REC8: variants seen among roughly 807,000 people sequenced by gnomAD.
REC8 encodes the protein meiotic recombination protein REC8 homolog.
Under a neutral mutation model 78.3 loss-of-function variants are expected in REC8, and 42 were observed. The observed-to-expected ratio is 0.54, with a 90% CI of 0.42 to 0.69. The LOEUF is 0.69. REC8 is among the 30% of genes least tolerant of loss of function. The pLI, the probability that REC8 is intolerant of heterozygous loss-of-function variation, is 0.00. For missense variants in REC8, 581 were observed against 715.8 expected, an observed-to-expected ratio of 0.81 and a Z score of 2.15; for synonymous variants, 268 against 274.1, an observed-to-expected ratio of 0.98 and a Z score of 0.22.
At chr14:24,176,708 G>A (rs2038914446) in intron 6 of REC8, 114 bp from the exon 7 acceptor site, 1 of 776,590 alleles carries the variant, frequency 1.3e-6, no homozygotes, top group Non-Finnish European at 2.2e-6. Flanking sequence ...GATTAGCCTG[G>A]GTCTGATTAG....
At position 24,180,104 on chromosome 14, in the gene REC8, T is replaced by A; in HGVS notation, c.*9T>A. On this transcript the variant is annotated 3_prime_UTR_variant, in exon 19 of 19. Transcript: ENST00000611366. ...GGCCCAGATTCCACTGAGGTTAGAG[T>A]CCATTTACAAAGCTGCCAGGAAACC... 1 of 1,614,050 alleles carries A rather than the reference T, an allele frequency of 6.2e-7. No homozygotes were observed. Among genetic ancestry groups the A allele is most frequent in the South Asian group, 1.1e-5 (1 of 91,072 alleles).
rs377231807 is a variant in REC8, at chr14:24,179,698, G to C, written c.1423G>C (p.Glu475Gln). Residue 475 changes from glutamate (E) to glutamine (Q), a missense_variant, in exon 17 of 19, where the codon GAG becomes CAG. Transcript: ENST00000611366. ...EMPLVLPPEL[E>Q]LLSLEAVHRA... ...GCCTTTGGTGCTGCCCCCAGAGCTC[G>C]AGCTGCTCTCACTGGAAGCAGTGCA... The C allele has an allele frequency of 1.9e-6, 3 of 1,614,218 alleles. No homozygotes were observed. The highest frequency in any genetic ancestry group is 2.5e-6 in the Non-Finnish European group (3 of 1,180,038).
chr14:24,176,541 G>A (rs1436729743), intron 6 of REC8, among the ~76,000 whole-genome samples: 1 of 151,544 alleles, frequency 6.6e-6, no homozygotes, highest in Non-Finnish European at 1.5e-5. Context: ...ACAGGGTCTC[G>A]CTATGTTGCC....
At chr14:24,173,617 C>T (rs1369391631) in intron 5 of REC8, among the ~76,000 whole-genome samples, 1 of 152,182 alleles carries the variant, frequency 6.6e-6, no homozygotes, top group African/African-American at 2.4e-5. Context: ...GACGGTTTCC[C>T]CACTGGAGGC....
chr14:24,180,632 CTG>C, downstream of REC8: 1 of 1,612,756 alleles, frequency 6.2e-7, no homozygotes, highest in Non-Finnish European at 8.5e-7. Context: ...CCCAGGCTCT[CTG>C]AGCCCTGCCA....
In REC8 at chr14:24,179,634, GC is replaced by G. The variant is rs1411213219; in HGVS notation, c.1362del (p.Val455TrpfsTer75). The G allele has an allele frequency of 1.9e-6, 3 of 1,614,218 alleles. No homozygotes were observed. The South Asian group carries it at 3.3e-5, about 18-fold the overall frequency. ...TGGAGGCGCCAGAAGCTCCTGCATT[GC>G]CCGTGGTGCCTGAACTCCCTGAGGT... Reference protein sequence around the residue: ...EVEAPEAPALPVVPELPEVPM... With the variant: ...EVEAPEAPALXVVPELPEVPM... On this transcript the variant is annotated frameshift_variant, in exon 17 of 19. Coordinates refer to ENST00000611366, the MANE Select transcript of REC8 (RefSeq NM_001048205.2). LOFTEE classifies it high-confidence loss of function.
Position 24,178,661 on chromosome 14 carries a change from C to A in REC8, c.1052C>A (p.Thr351Asn), listed in dbSNP as rs766663838. 2 of 1,614,070 alleles carry A rather than the reference C, an allele frequency of 1.2e-6. No homozygotes were observed. The highest frequency in any genetic ancestry group is 1.7e-6 in the Non-Finnish European group (2 of 1,179,974). ...AGAGGCCCTGCGGAGTTGTTCAGAA[C>A]CCCAACTCTCTGTAAGAATGGTGGG... Reference protein sequence around the residue: ...TIRGPAELFRTPTLSGWLPPE... With the variant: ...TIRGPAELFRNPTLSGWLPPE... The change falls in exon 13 of 19, where the codon ACC (threonine) becomes AAC (asparagine). Residue 351 changes from threonine to asparagine, a missense_variant. By Grantham distance (65) the Thr-to-Asn change is moderately conservative. Transcript: ENST00000611366.
rs781179543 is a variant in REC8 at position 24,177,240 on chromosome 14, C to T, written c.706+18C>T. ...GTTAGAAAGTAGGTGTCTCCGGCAGCGTAGGGCCCGCCTGGAGCTGGATAG... is the reference window on the plus strand; with the variant it reads ...GTTAGAAAGTAGGTGTCTCCGGCAGTGTAGGGCCCGCCTGGAGCTGGATAG... On this transcript the variant is annotated intron_variant, in intron 8 of 18. Coordinates refer to ENST00000611366, the MANE Select transcript of REC8 (RefSeq NM_001048205.2). The T allele has an allele frequency of 1.7e-5, 27 of 1,613,196 alleles. No individual in the cohort carries two copies. The highest frequency in any genetic ancestry group is 4.4e-5 in the South Asian group (4 of 91,062).
chr14:24,175,740 C>T (rs1169351032), intron 6 of REC8, 116 bp downstream of exon 6: 24 of 642,622 alleles, frequency 3.7e-5, no homozygotes, highest in Non-Finnish European at 5.6e-5. Flanking sequence ...TTTTTTTTTT[C>T]GAGGCAGAGT....
chr14:24,173,713 C>T (rs1396808214), intron 5 of REC8, among the ~76,000 whole-genome samples: 2 of 152,304 alleles, frequency 1.3e-5, no homozygotes, highest in East Asian at 3.9e-4. Context: ...GGCTTTCTTA[C>T]CCCTGTCCTC....
intron 6 of REC8, among the ~76,000 whole-genome samples, chr14:24,176,370 TTTC>T (rs1224768624): frequency 6.6e-6 from 1 of 151,030 alleles, no homozygotes; most frequent in Non-Finnish European, 1.5e-5. Flanking sequence ...TTTTTTTTTT[TTTC>T]TTTTTTTCCC....
At chr14:24,179,034 G>A (rs1286220484) in intron 14 of REC8, 51 bp from the exon 15 acceptor site, 1 of 1,604,908 alleles carries the variant, frequency 6.2e-7, no homozygotes, top group Admixed American at 1.7e-5. Flanking sequence ...TGCCTTCTGA[G>A]GCCCAAGTCC....
Position 24,180,199 on chromosome 14 carries a change from A to G in REC8, c.*104A>G. The G allele has an allele frequency of 6.3e-7, 1 of 1,597,284 alleles. No homozygotes were observed. Among genetic ancestry groups the G allele is most frequent in the Non-Finnish European group, 8.5e-7 (1 of 1,176,434 alleles). ...ACCTCATTTCTGAATGTGCATTTCC[A>G]GCCTTCTTGCTCTCAGAGCTATTGT... On this transcript the variant is annotated 3_prime_UTR_variant, in exon 19 of 19. Transcript: ENST00000611366.
At chr14:24,178,718 C>T in intron 13 of REC8, 46 bp downstream of exon 13, 1 of 1,613,298 alleles carries the variant, frequency 6.2e-7, no homozygotes. Context: ...AAAACCAATT[C>T]CTCATTCCTG....
chr14:24,179,919 ATG>A lies in REC8; in HGVS notation c.1558+25_1558+26del, dbSNP rs141999393. ...TACCTGCTCCTGGGTGAGTGTATGC[ATG>A]TGTGTGTGTGTATGTGGGGCAGGGA... is the stretch of plus-strand genomic sequence containing the variant. On this transcript the variant is annotated intron_variant, in intron 18 of 18. Transcript: ENST00000611366. The A allele has an allele frequency of 4.6e-5, 74 of 1,608,534 alleles. No homozygotes were observed. In the African/African-American group the frequency reaches 7.0e-4, roughly 15 times the overall value.
At chr14:24,177,868 A>G in intron 11 of REC8, 110 bp downstream of exon 11, 1 of 1,470,284 alleles carries the variant, frequency 6.8e-7, no homozygotes, top group Non-Finnish European at 9.0e-7. Context: ...CTTAATGCAG[A>G]TGATAAAAGA....
chr14:24,172,395 C>T lies in REC8; in HGVS notation c.-158C>T. The stretch of plus-strand genomic sequence containing the variant: ...TTGTGTATCTGCCCATTGTTCGTTG[C>T]CTCATTAACTTGGCTTTCTAGGTGC... On this transcript the variant is annotated 5_prime_UTR_variant, in exon 1 of 19. Coordinates refer to ENST00000611366, the MANE Select transcript of REC8 (RefSeq NM_001048205.2). 1.5e-6 allele frequency: 1 copy of T among 659,602 alleles called. No homozygotes were observed. The highest frequency in any genetic ancestry group is 2.6e-6 in the Non-Finnish European group (1 of 386,034). The allele number at this position is 659,602 out of a possible 1,614,324, so 40.9% of individuals were successfully genotyped here. A position where few individuals can be genotyped will look rare whatever the true frequency, so the allele number is the denominator to read the frequency against.
At chr14:24,172,690 C>A in intron 1 of REC8, 23 bp from the exon 2 acceptor site, 2 of 1,614,162 alleles carry the variant, frequency 1.2e-6, no homozygotes, top group Non-Finnish European at 1.7e-6. Flanking sequence ...TCCCCATTCT[C>A]CCACCTTCCC....
Position 24,177,234 on chromosome 14 carries a change from C to T in REC8, c.706+12C>T, listed in dbSNP as rs375378636. ...TATCTTGTTAGAAAGTAGGTGTCTC[C>T]GGCAGCGTAGGGCCCGCCTGGAGCT... On this transcript the variant is annotated intron_variant, in intron 8 of 18. Coordinates refer to ENST00000611366, the MANE Select transcript of REC8 (RefSeq NM_001048205.2). The T allele has an allele frequency of 1.7e-4, 278 of 1,613,774 alleles. 1 individual carries two copies. The East Asian group carries it at 4.3e-3, about 25-fold the overall frequency.
Sources: gnomAD v4.1 joint callset for allele counts (sites outside exome capture counted in the v4.1 genomes callset) on GRCh38, gnomAD v4.1.1 for gene constraint, MANE v1.5 for transcripts, NCBI Gene and HGNC (gene_info 2026-07-23, HGNC 2026-07-21) for gene names.